CITED1: variants seen among roughly 807,000 people sequenced by gnomAD.
CITED1 encodes cbp/p300-interacting transactivator 1.
A neutral mutation model predicts 8.5 loss-of-function variants in CITED1; 3 were observed. That is an observed-to-expected ratio of 0.35 (90% CI 0.16 to 0.91). The LOEUF (loss-of-function observed/expected upper bound fraction) is 0.91. Ranked by LOEUF, CITED1 falls within the 40% of genes least tolerant of loss-of-function variation. The probability of loss-of-function intolerance (pLI) is 0.46; values close to 1 mark genes in which losing one functional copy is unlikely to be tolerated. For synonymous variants in CITED1, 54 were observed against 67.4 expected (o/e 0.80, Z 0.97); for missense variants, 113 against 154.8 (o/e 0.73, Z 1.43).
intron 1 of CITED1, chrX:72,305,461 C>T: frequency 2.0e-6 from 1 of 491,100 alleles, no homozygotes; most frequent in Non-Finnish European, 3.5e-6. Context: ...GGCTGCCCTC[C>T]TCGCCGCATC....
At chrX:72,306,780 A>G (rs1602481512), upstream of CITED1, 1 of 86,051 alleles carries the variant, frequency 1.2e-5, no homozygotes, top group Non-Finnish European at 2.2e-5. Flanking sequence ...GGTGGCGGCC[A>G]CCGCGCTCCC....
chrX:72,306,805 G>T (rs1215246305), upstream of CITED1: 3 of 107,120 alleles, frequency 2.8e-5, no homozygotes, highest in African/African-American at 1.0e-4. Flanking sequence ...CGGCGCTGGG[G>T]ACCCGGCTCT....
At chrX:72,306,041 C>T (rs897143095), upstream of CITED1, 1 of 111,659 alleles carries the variant, frequency 9.0e-6, no homozygotes, top group Non-Finnish European at 1.9e-5. Flanking sequence ...TGCCCAAATT[C>T]GCTAACTTCC....
In CITED1 at chrX:72,301,980, C is replaced by T. The variant is rs760732891; in HGVS notation, c.325G>A (p.Ala109Thr). The change falls in exon 3 of 3, where the codon GCT becomes ACT. Residue 109 changes from alanine (A) to threonine (T), a missense_variant. Ala to Thr is a moderately conservative substitution (Grantham distance 58). Transcript: ENST00000651998. ...KLNSQYQGMA[A>T]ATPGQPGEAG... Reference sequence around the variant, plus strand: ...TCCCCGGGTTGGCCTGGAGTGGCAGCAGCCATCCCCTGATACTGGCTATTA... The same window carrying T: ...TCCCCGGGTTGGCCTGGAGTGGCAGTAGCCATCCCCTGATACTGGCTATTA... 8.3e-7 allele frequency: 1 copy of T among 1,211,261 alleles called. No individual in the cohort carries two copies. The highest frequency in any genetic ancestry group is 1.1e-6 in the Non-Finnish European group (1 of 895,227).
At chrX:72,304,323 A>G (rs1324904536) in intron 1 of CITED1, among the ~76,000 whole-genome samples, 1 of 111,426 alleles carries the variant, frequency 9.0e-6, no homozygotes, top group East Asian at 2.8e-4. Context: ...GAGGGAAAAA[A>G]TAGAGAAAGG....
chrX:72,302,722 A>C, intron 2 of CITED1, 88 bp downstream of exon 2: 1 of 797,347 alleles, frequency 1.3e-6, no homozygotes, highest in Non-Finnish European at 1.8e-6. Flanking sequence ...CTGCTCAAGG[A>C]CACTGGGTAA....
chrX:72,303,109 C>T (rs1457157379), intron 1 of CITED1, among the ~76,000 whole-genome samples, 175 bp from the exon 2 acceptor site: 2 of 113,253 alleles, frequency 1.8e-5, no homozygotes, highest in African/African-American at 6.4e-5. Context: ...GGAACTTTTG[C>T]CTGAGGCAGG....
At chrX:72,304,102 A>G (rs2043313805) in intron 1 of CITED1, 1 of 658,425 alleles carries the variant, frequency 1.5e-6, no homozygotes, top group Non-Finnish European at 1.8e-6. Context: ...TTAGAGATGT[A>G]GAATTTCATA....
intron 1 of CITED1, chrX:72,304,098 A>T (rs984269656): frequency 3.1e-6 from 2 of 653,617 alleles, no homozygotes; most frequent in Non-Finnish European, 3.6e-6. Context: ...TCAATTAGAG[A>T]TGTAGAATTT....
At chrX:72,304,132 C>T (rs1355783503) in intron 1 of CITED1, 1 of 646,283 alleles carries the variant, frequency 1.5e-6, no homozygotes, top group Non-Finnish European at 1.8e-6. Flanking sequence ...ACCTCTTGGT[C>T]CAAAGAATCT....
At chrX:72,305,307 G>C (rs1001429042) in intron 1 of CITED1, 68 of 1,165,558 alleles carry the variant, frequency 5.8e-5, no homozygotes, top group Middle Eastern at 2.3e-4. Context: ...CCAACCGGAT[G>C]GTTCCATCTC....
At chrX:72,302,965 C>A (rs1313590314) in intron 1 of CITED1, 31 bp from the exon 2 acceptor site, 1 of 1,194,018 alleles carries the variant, frequency 8.4e-7, no homozygotes, top group Admixed American at 2.3e-5. Flanking sequence ...GTGGTAAGGG[C>A]AAAAGGCTTC....
chrX:72,304,801 G>A (rs1319136116), intron 1 of CITED1, among the ~76,000 whole-genome samples: 1 of 112,225 alleles, frequency 8.9e-6, no homozygotes, highest in Middle Eastern at 4.2e-3. Flanking sequence ...GAGGCCCTGT[G>A]TCCATTCAGA....
At chrX:72,305,652 A>G (rs1390133803) in intron 1 of CITED1, 173 bp downstream of exon 1, 2 of 194,949 alleles carry the variant, frequency 1.0e-5, no homozygotes, top group South Asian at 1.9e-4. Flanking sequence ...GCGAGTCCGC[A>G]CTCCGGCGCC....
At chrX:72,306,830 C>T (rs1295704093), upstream of CITED1, 1 of 109,178 alleles carries the variant, frequency 9.2e-6, no homozygotes, top group African/African-American at 3.3e-5. Flanking sequence ...CCCCCATTGC[C>T]GCCCGGAGAG....
chrX:72,302,574 A>G (rs1451745561), intron 2 of CITED1, among the ~76,000 whole-genome samples: 1 of 112,078 alleles, frequency 8.9e-6, no homozygotes, highest in Non-Finnish European at 1.9e-5. Context: ...AGTCTCTTCA[A>G]CAGAGTGGTT....
chrX:72,303,354 G>A (rs1048671249), intron 1 of CITED1, among the ~76,000 whole-genome samples: 1 of 112,660 alleles, frequency 8.9e-6, no homozygotes, highest in Admixed American at 9.3e-5. Context: ...GGGACTGGGA[G>A]AATGTGAGAA....
At chrX:72,302,310 A>C in intron 2 of CITED1, 66 bp from the exon 3 acceptor site, 1 of 1,119,265 alleles carries the variant, frequency 8.9e-7, no homozygotes. Flanking sequence ...CATTCAGCAG[A>C]TTTAGAAGGT....
chrX:72,306,911 T>A (rs1361069189), upstream of CITED1: 2 of 109,211 alleles, frequency 1.8e-5, no homozygotes, highest in Non-Finnish European at 3.8e-5. Context: ...ACCCTTTTTT[T>A]CCCTTTTTTT....
Sources: gnomAD v4.1 joint callset for allele counts (sites outside exome capture counted in the v4.1 genomes callset) on GRCh38, gnomAD v4.1.1 for gene constraint, MANE v1.5 for transcripts, NCBI Gene and HGNC (gene_info 2026-07-23, HGNC 2026-07-21) for gene names.